The following ATP6V1C2 variants were observed in gnomAD, a reference collection of about 807,000 sequenced individuals.
The protein encoded by ATP6V1C2 is ATPase H+ transporting V1 subunit C2, also known as V-type proton ATPase subunit C 2.
Under a neutral mutation model 56.8 loss-of-function variants are expected in ATP6V1C2, and 45 were observed. The observed-to-expected ratio is 0.79, with a 90% confidence interval of 0.62 to 1.02. ATP6V1C2 has a LOEUF of 1.02. ATP6V1C2 is among the 50% of genes least tolerant of loss of function. ATP6V1C2 has a pLI of 0.00. For synonymous variants in ATP6V1C2, 220 were observed against 201.3 expected (o/e 1.09, Z -0.79); for missense variants, 463 against 519.7 (o/e 0.89, Z 1.06).
At chr2:10,735,819 C>A (rs1391945121) in intron 3 of ATP6V1C2, among the ~76,000 whole-genome samples, 2 of 151,824 alleles carry the variant, frequency 1.3e-5, no homozygotes, top group Non-Finnish European at 2.9e-5. Context: ...AACTCCTGGG[C>A]TCAAATGATA....
At position 10,770,454 on chromosome 2, in the gene ATP6V1C2, G is replaced by A. The variant is rs139764781; in HGVS notation, c.471-1385G>A. ...CTTGCTGTTGGATGCCTGGCTTTAT[G>A]TCAGAAGTAAGTGGGCATGAGCTAT... On this transcript the variant is annotated intron_variant, in intron 6 of 13. Transcript: ENST00000272238. 3.2e-4 allele frequency among the ~76,000 whole-genome samples: 48 copies of A among 152,366 alleles called. No individual in the cohort carries two copies. In the East Asian group the frequency reaches 8.7e-3, roughly 28 times the overall value.
At chr2:10,747,260 C>G (rs990774344) in intron 3 of ATP6V1C2, among the ~76,000 whole-genome samples, 2 of 152,094 alleles carry the variant, frequency 1.3e-5, no homozygotes, top group Non-Finnish European at 2.9e-5. Flanking sequence ...AAGAGTGAAA[C>G]TCAGTCTCAA....
chr2:10,741,993 C>G (rs1451663659), intron 3 of ATP6V1C2, among the ~76,000 whole-genome samples: 3 of 151,960 alleles, frequency 2.0e-5, no homozygotes, highest in Non-Finnish European at 4.4e-5. Context: ...TCGCTGCAAT[C>G]TCGCTTCCCG....
rs1372791702 is a variant in ATP6V1C2, at chr2:10,784,321, G to C, written c.*1058G>C. On this transcript the variant is annotated 3_prime_UTR_variant, in exon 14 of 14. Coordinates refer to ENST00000272238, the MANE Select transcript of ATP6V1C2 (RefSeq NM_001039362.2). ...CACTGAGGTCAATGTCATCCTCCACGGGAAGCTGGGAGACGACAGAAAGCC... is the reference window on the plus strand; with the variant it reads ...CACTGAGGTCAATGTCATCCTCCACCGGAAGCTGGGAGACGACAGAAAGCC... The C allele has an allele frequency of 6.2e-7, 1 of 1,612,264 alleles. No individual in the cohort carries two copies. The highest frequency in any genetic ancestry group is 1.3e-5 in the African/African-American group (1 of 74,954).
chr2:10,769,635 CAG>C (rs775717388), intron 6 of ATP6V1C2, among the ~76,000 whole-genome samples: 12 of 152,064 alleles, frequency 7.9e-5, no homozygotes, highest in Admixed American at 2.0e-4. Flanking sequence ...ACCTGGCAGA[CAG>C]AGGTTGCAGT....
chr2:10,721,965 G>T (rs778361702), intron 1 of ATP6V1C2, among the ~76,000 whole-genome samples: 51 of 152,350 alleles, frequency 3.3e-4, no homozygotes, highest in Non-Finnish European at 7.2e-4. Flanking sequence ...TCTGCGCGGG[G>T]TTAGGAGAGA....
At chr2:10,767,146 TATC>T (rs1431591731) in intron 5 of ATP6V1C2, among the ~76,000 whole-genome samples, 3 of 142,984 alleles carry the variant, frequency 2.1e-5, no homozygotes, top group Non-Finnish European at 4.5e-5. Flanking sequence ...TTTTTTTAAT[TATC>T]ATTTTTTATC....
At chr2:10,732,345 G>A (rs1374425652) in intron 3 of ATP6V1C2, among the ~76,000 whole-genome samples, 1 of 151,810 alleles carries the variant, frequency 6.6e-6, no homozygotes, top group Non-Finnish European at 1.5e-5. Context: ...TGCAACCTCC[G>A]CCTCCCGGGT....
At position 10,777,666 on chromosome 2, in the gene ATP6V1C2, G is replaced by C. The variant is rs1192670255; in HGVS notation, c.907G>C (p.Asp303His). ...TAAGGTAACCCCGCTAGGTAACCCT[G>C]ATAGGCCTGCTGCGGGGCAGACCGA... ...KVKVTPLGNP[D>H]RPAAGQTDRE... Residue 303 changes from aspartate (D) to histidine (H), a missense_variant, in exon 11 of 14, where the codon GAT (aspartate) becomes CAT (histidine). Coordinates refer to ENST00000272238, the MANE Select transcript of ATP6V1C2 (RefSeq NM_001039362.2). 1 of 1,614,000 alleles carries C rather than the reference G, an allele frequency of 6.2e-7. No homozygotes were observed. The highest frequency in any genetic ancestry group is 1.3e-5 in the African/African-American group (1 of 74,922).
At chr2:10,732,874 G>A (rs549089888) in intron 3 of ATP6V1C2, among the ~76,000 whole-genome samples, 4 of 151,864 alleles carry the variant, frequency 2.6e-5, no homozygotes, top group Admixed American at 6.6e-5. Context: ...GGGAGGCTGA[G>A]GCAGGAGAAT....
At position 10,763,824 on chromosome 2, in the gene ATP6V1C2, G is replaced by T. The variant is rs1470728233; in HGVS notation, c.284-507G>T. The stretch of plus-strand genomic sequence containing the variant: ...GCCTAGAGCCCTGGGGGTTGAGTCA[G>T]CTGAGGTTTATTCAGTGTTGCTTCT... On this transcript the variant is annotated intron_variant, in intron 4 of 13. Coordinates refer to ENST00000272238, the MANE Select transcript of ATP6V1C2 (RefSeq NM_001039362.2). This position sits in a 1 kb window ranked among gnomAD's most constrained non-coding sequence, Gnocchi z 4.2. Among the ~76,000 whole-genome samples, 1 of 152,194 alleles carries T rather than the reference G, an allele frequency of 6.6e-6. No homozygotes were observed. The highest frequency in any genetic ancestry group is 1.5e-5 in the Non-Finnish European group (1 of 68,036).
In ATP6V1C2 at chr2:10,757,255, C is replaced by T. The variant is rs545463268; in HGVS notation, c.283+3189C>T. Among the ~76,000 whole-genome samples the T allele has an allele frequency of 3.9e-5, 6 of 152,132 alleles. No individual in the cohort carries two copies. In the South Asian group the frequency reaches 8.3e-4, roughly 21 times the overall value. On this transcript the variant is annotated intron_variant, in intron 4 of 13. Coordinates refer to ENST00000272238, the MANE Select transcript of ATP6V1C2 (RefSeq NM_001039362.2). Reference sequence around the variant, plus strand: ...CTTGAACTCCTGACCTCAGGTGATCCGCCAGCCTCGGCCTCCCAAAGTGCT... The same window carrying T: ...CTTGAACTCCTGACCTCAGGTGATCTGCCAGCCTCGGCCTCCCAAAGTGCT...
intron 10 of ATP6V1C2, among the ~76,000 whole-genome samples, chr2:10,775,472 G>A (rs1170946826): frequency 6.6e-6 from 1 of 152,228 alleles, no homozygotes; most frequent in Non-Finnish European, 1.5e-5. Flanking sequence ...CCAGGCGGGA[G>A]CATCTGTGTG....
intron 1 of ATP6V1C2, among the ~76,000 whole-genome samples, chr2:10,722,150 T>C (rs76971488): frequency 0.12 from 18,945 of 152,036 alleles, 1,418 homozygotes; most frequent in South Asian, 0.27. Context: ...TGTGGACACC[T>C]GTGAAGGAGC....
intron 3 of ATP6V1C2, among the ~76,000 whole-genome samples, chr2:10,746,418 T>C (rs1260597280): frequency 1.3e-5 from 2 of 151,650 alleles, no homozygotes; most frequent in African/African-American, 4.9e-5. Flanking sequence ...TCTTCTTCTT[T>C]TTTCTTTTTT....
Position 10,722,894 on chromosome 2 carries a change from T to A in ATP6V1C2, c.45T>A (p.Asn15Lys). 6.2e-7 allele frequency: 1 copy of A among 1,613,868 alleles called. No individual in the cohort carries two copies. The highest frequency in any genetic ancestry group is 8.5e-7 in the Non-Finnish European group (1 of 1,179,992). Reference protein sequence around the residue: ...WLISAPGDKENLQALERMNTV... With the variant: ...WLISAPGDKEKLQALERMNTV... ...TTTCTGCCCCTGGCGATAAGGAAAA[T>A]TTGCAAGCTCTGGAGAGGATGAATA... The change falls in exon 2 of 14, where the codon AAT becomes AAA. Residue 15 changes from asparagine (N) to lysine (K), a missense_variant. Coordinates refer to ENST00000272238, the MANE Select transcript of ATP6V1C2 (RefSeq NM_001039362.2).
intron 12 of ATP6V1C2, among the ~76,000 whole-genome samples, chr2:10,779,707 A>AAAAAAAAG (rs746755191): frequency 2.8e-5 from 4 of 145,068 alleles, no homozygotes; most frequent in Non-Finnish European, 4.6e-5. Flanking sequence ...AAAAAAAAAA[A>AAAAAAAAG]CTTCACTGTG....
Position 10,784,176 on chromosome 2 carries a change from G to T in ATP6V1C2, c.*913G>T. ...AAAGGCCACTGGTAGAGTCATCTGA[G>T]TGTAGAGAATGTCCCTTCACTGCTG... On this transcript the variant is annotated 3_prime_UTR_variant, in exon 14 of 14. Transcript: ENST00000272238. The T allele has an allele frequency of 2.0e-6, 2 of 1,012,420 alleles. No individual in the cohort carries two copies. The highest frequency in any genetic ancestry group is 3.0e-6 in the Non-Finnish European group (2 of 665,690). The allele number at this position is 1,012,420 out of a possible 1,614,324, so 62.7% of individuals were successfully genotyped here.
intron 8 of ATP6V1C2, among the ~76,000 whole-genome samples, chr2:10,774,250 A>G (rs1214745654): frequency 6.6e-6 from 1 of 152,276 alleles, no homozygotes; most frequent in Non-Finnish European, 1.5e-5. Flanking sequence ...GAGGGCTCCC[A>G]CTTCCAGTCT....
Sources: allele counts gnomAD v4.1 joint callset (sites outside exome capture counted in the v4.1 genomes callset), GRCh38; gene constraint gnomAD v4.1.1; non-coding constraint Gnocchi (gnomAD v3.1); transcripts MANE v1.5; gene names NCBI Gene and HGNC (gene_info 2026-07-23, HGNC 2026-07-21).